CLSTN1: variants seen among roughly 807,000 people sequenced by gnomAD.
CLSTN1 encodes calsyntenin-1.
A neutral mutation model predicts 108.3 loss-of-function variants in CLSTN1; 28 were observed. The observed-to-expected ratio is 0.26, with a 90% CI of 0.19 to 0.35. The LOEUF is 0.35. Among genes scored for constraint, CLSTN1 ranks in the 10% least tolerant of loss-of-function variants. The pLI, the probability that CLSTN1 is intolerant of heterozygous loss-of-function variation, is 1.00. For missense variants in CLSTN1, 1,157 were observed against 1,302.6 expected (o/e 0.89, Z 1.72); for synonymous variants, 524 against 534.9 (o/e 0.98, Z 0.28).
Position 9,823,300 on chromosome 1 carries a change from G to A in CLSTN1, c.91+343C>T, listed in dbSNP as rs1655261971. Among the ~76,000 whole-genome samples the A allele has an allele frequency of 6.6e-6, 1 of 152,184 alleles. No homozygotes were observed. The highest frequency in any genetic ancestry group is 2.1e-4 in the South Asian group (1 of 4,834). On this transcript the variant is annotated intron_variant, in intron 1 of 18. Transcript: ENST00000377298. This position sits in a 1 kb window ranked among gnomAD's most constrained non-coding sequence, Gnocchi z 6.3. ...GACTGACCCTTCGGCCCGTCTGCAC[G>A]TTCCCCCAAATCAGCGCAGCCACCA...
chr1:9,813,556 G>C (rs1221950689), intron 1 of CLSTN1, among the ~76,000 whole-genome samples: 1 of 151,814 alleles, frequency 6.6e-6, no homozygotes, highest in Non-Finnish European at 1.5e-5. Context: ...TTTTGAACAA[G>C]GGGCCCCACA....
intron 7 of CLSTN1, among the ~76,000 whole-genome samples, chr1:9,746,349 G>A (rs1557695932): frequency 6.6e-6 from 1 of 152,172 alleles, no homozygotes; most frequent in Non-Finnish European, 1.5e-5. Context: ...TCTTGACTAA[G>A]CTATTACTCG....
intron 1 of CLSTN1, among the ~76,000 whole-genome samples, chr1:9,822,312 A>G (rs1273125491): frequency 6.6e-6 from 1 of 152,272 alleles, no homozygotes; most frequent in African/African-American, 2.4e-5. Flanking sequence ...ACAGAATGTT[A>G]GAAATGAAAT....
intron 2 of CLSTN1, among the ~76,000 whole-genome samples, chr1:9,765,587 A>G (rs1652288438): frequency 6.6e-6 from 1 of 151,510 alleles, no homozygotes; most frequent in Non-Finnish European, 1.5e-5. Flanking sequence ...AAAAAAGAAA[A>G]AAAAAAATGG....
At chr1:9,813,018 G>C (rs2101326801) in intron 1 of CLSTN1, among the ~76,000 whole-genome samples, 1 of 150,528 alleles carries the variant, frequency 6.6e-6, no homozygotes, top group South Asian at 2.1e-4. Flanking sequence ...ACAAAAATTA[G>C]CCAGGCATGG....
intron 4 of CLSTN1, among the ~76,000 whole-genome samples, chr1:9,752,531 C>T (rs1372161898): frequency 6.6e-6 from 1 of 152,188 alleles, no homozygotes; most frequent in Non-Finnish European, 1.5e-5. Flanking sequence ...GTGACACCAT[C>T]TCGCCCACAT....
At chr1:9,810,097 G>GT (rs1654672249) in intron 1 of CLSTN1, among the ~76,000 whole-genome samples, 1 of 126,280 alleles carries the variant, frequency 7.9e-6, no homozygotes, top group Non-Finnish European at 1.7e-5. Context: ...AGGAAGGAGG[G>GT]AGGGAGGGAG....
chr1:9,738,413 G>A (rs763776599), intron 10 of CLSTN1, among the ~76,000 whole-genome samples: 12 of 152,148 alleles, frequency 7.9e-5, no homozygotes, highest in African/African-American at 9.7e-5. Context: ...GCGGCTGTGC[G>A]GGGCTGCATC....
At chr1:9,773,236 C>G (rs747386667) in intron 2 of CLSTN1, 36 bp downstream of exon 2, 29 of 1,612,400 alleles carry the variant, frequency 1.8e-5, no homozygotes, top group Non-Finnish European at 2.5e-5. Flanking sequence ...TGACCAGGCC[C>G]GATTCATCAA....
In CLSTN1 at chr1:9,733,981, T is replaced by C; in HGVS notation, c.2272A>G (p.Thr758Ala). ...IEVSSSELGM[T>A]FTGVDTMASY... is the part of the protein sequence containing the mutation. ...GCAGCGCTCCCCTTACCTGTGAAGG[T>C]CATGCCCAGTTCAGAGCTGCTCACT... The change falls in exon 15 of 19, where the codon ACC (threonine) becomes GCC (alanine). Residue 758 changes from threonine (T) to alanine (A), a missense_variant. Coordinates refer to ENST00000377298, the MANE Select transcript of CLSTN1 (RefSeq NM_001009566.3). The C allele has an allele frequency of 6.2e-7, 1 of 1,613,462 alleles. No homozygotes were observed. Among genetic ancestry groups the C allele is most frequent in the South Asian group, 1.1e-5 (1 of 91,048 alleles).
chr1:9,769,799 T>G (rs1444173961), intron 2 of CLSTN1, among the ~76,000 whole-genome samples: 2 of 152,024 alleles, frequency 1.3e-5, no homozygotes, highest in African/African-American at 4.8e-5. Flanking sequence ...TCCCAGCATT[T>G]TGGGAAGCCG....
At chr1:9,814,418 T>C (rs1238288466) in intron 1 of CLSTN1, among the ~76,000 whole-genome samples, 4 of 152,018 alleles carry the variant, frequency 2.6e-5, no homozygotes, top group Non-Finnish European at 5.9e-5. Flanking sequence ...ATACTTTAAG[T>C]ATGTAAACAA....
chr1:9,744,857 T>G (rs1651178223), intron 7 of CLSTN1, among the ~76,000 whole-genome samples: 1 of 151,598 alleles, frequency 6.6e-6, no homozygotes, highest in African/African-American at 2.4e-5. Flanking sequence ...GGGTTCAAGC[T>G]GTTCTCCTGC....
chr1:9,794,002 C>T (rs142077283), intron 1 of CLSTN1, among the ~76,000 whole-genome samples: 40 of 151,542 alleles, frequency 2.6e-4, no homozygotes, highest in African/African-American at 9.6e-4. Flanking sequence ...TCCAACTTCC[C>T]GTTTCTTCAC....
chr1:9,823,610 G>A lies in CLSTN1; in HGVS notation c.91+33C>T. ...TGCACCCGGACCCGAATCCCGCACC[G>A]ACCCAGCGGCCCGGCCCAGCCCCGG... is the stretch of plus-strand genomic sequence containing the variant. On this transcript the variant is annotated intron_variant, in intron 1 of 18. Coordinates refer to ENST00000377298, the MANE Select transcript of CLSTN1 (RefSeq NM_001009566.3). The surrounding 1 kb of genome is among the most constrained non-coding windows in gnomAD (Gnocchi z 6.3). 8.5e-7 allele frequency: 1 copy of A among 1,173,408 alleles called. No homozygotes were observed. Among genetic ancestry groups the A allele is most frequent in the Non-Finnish European group, 1.1e-6 (1 of 946,964 alleles). 72.7% of individuals were successfully genotyped at this position (1,173,408 alleles called of 1,614,324 possible).
At chr1:9,814,235 C>T (rs542051344) in intron 1 of CLSTN1, among the ~76,000 whole-genome samples, 47 of 149,100 alleles carry the variant, frequency 3.2e-4, no homozygotes, top group Non-Finnish European at 5.9e-4. Context: ...TATGGTAAAA[C>T]CCCATCTCTA....
intron 12 of CLSTN1, 92 bp from the exon 13 acceptor site, chr1:9,735,707 G>C (rs1650650043): frequency 1.3e-6 from 2 of 1,549,780 alleles, no homozygotes; most frequent in Non-Finnish European, 1.8e-6. Context: ...GACTGGCCTG[G>C]GTTCGATTTG....
intron 1 of CLSTN1, among the ~76,000 whole-genome samples, chr1:9,800,453 T>G (rs1654208851): frequency 6.6e-6 from 1 of 150,496 alleles, no homozygotes; most frequent in Non-Finnish European, 1.5e-5. Flanking sequence ...GGCATGGTGG[T>G]TCACGCCTGT....
chr1:9,752,777 G>A (rs1407634107), intron 4 of CLSTN1, among the ~76,000 whole-genome samples: 1 of 152,244 alleles, frequency 6.6e-6, no homozygotes, highest in East Asian at 1.9e-4. Flanking sequence ...CACGAGAATC[G>A]CTTGAACCCT....
Sources: allele counts gnomAD v4.1 joint callset (sites outside exome capture counted in the v4.1 genomes callset), GRCh38; gene constraint gnomAD v4.1.1; non-coding constraint Gnocchi (gnomAD v3.1); transcripts MANE v1.5; gene names NCBI Gene and HGNC (gene_info 2026-07-23, HGNC 2026-07-21).